OPCML: variants seen among roughly 807,000 people sequenced by gnomAD.
The protein encoded by OPCML is opioid binding protein/cell adhesion molecule like.
A neutral mutation model predicts 37.8 loss-of-function variants in OPCML; 13 were observed. The ratio of observed to expected loss-of-function variants is 0.34; its 90% CI spans 0.22 to 0.55. OPCML has a LOEUF of 0.55. Among genes scored for constraint, OPCML ranks in the 20% least tolerant of loss-of-function variants. OPCML has a pLI of 0.91. For synonymous variants in OPCML, 176 were observed against 168.8 expected, an observed-to-expected ratio of 1.04 and a Z score of -0.33; for missense variants, 341 against 435.6, an observed-to-expected ratio of 0.78 and a Z score of 1.93.
chr11:132,575,856 T>G (rs1487485887), intron 3 of OPCML, among the ~76,000 whole-genome samples: 1 of 152,114 alleles, frequency 6.6e-6, no homozygotes, highest in Admixed American at 6.5e-5. Context: ...GCTTTATTTT[T>G]GTCTGAAAAC....
chr11:132,983,121 C>A (rs1411425632), intron 1 of OPCML, among the ~76,000 whole-genome samples: 1 of 152,168 alleles, frequency 6.6e-6, no homozygotes, highest in Admixed American at 6.5e-5. Flanking sequence ...GGGAAAACAG[C>A]CCCCCTCCAG....
intron 3 of OPCML, among the ~76,000 whole-genome samples, chr11:132,598,431 C>T (rs893789592): frequency 6.6e-6 from 1 of 152,114 alleles, no homozygotes; most frequent in African/African-American, 2.4e-5. Context: ...ATATCTCAAA[C>T]TATTACAATA....
intron 1 of OPCML, among the ~76,000 whole-genome samples, chr11:133,357,866 T>A (rs2136708289): frequency 6.6e-6 from 1 of 152,166 alleles, no homozygotes; most frequent in East Asian, 1.9e-4. Flanking sequence ...AAAACAACCA[T>A]CACAATCGTA....
At chr11:132,564,195 T>A (rs543856640) in intron 3 of OPCML, among the ~76,000 whole-genome samples, 101 of 152,228 alleles carry the variant, frequency 6.6e-4, no homozygotes, top group Admixed American at 1.8e-3. Context: ...TGGCCCTTGG[T>A]TTTTAAGCAA....
intron 2 of OPCML, among the ~76,000 whole-genome samples, chr11:132,784,821 C>T (rs929361300): frequency 1.3e-5 from 2 of 152,186 alleles, no homozygotes; most frequent in African/African-American, 4.8e-5. Context: ...GCTCCTCCTT[C>T]ACTTTCTACC....
chr11:132,535,419 AG>A (rs902064602), intron 3 of OPCML, among the ~76,000 whole-genome samples: 2 of 148,296 alleles, frequency 1.3e-5, no homozygotes, highest in African/African-American at 5.2e-5. Context: ...ACCTCATCTC[AG>A]CTGAGAGGCA....
intron 3 of OPCML, among the ~76,000 whole-genome samples, chr11:132,532,765 G>A (rs570860606): frequency 1.3e-5 from 2 of 152,196 alleles, no homozygotes; most frequent in East Asian, 1.9e-4. Context: ...TGCACACTGC[G>A]GACCACAACA....
At chr11:132,573,665 T>C (rs2096443499) in intron 3 of OPCML, among the ~76,000 whole-genome samples, 1 of 152,062 alleles carries the variant, frequency 6.6e-6, no homozygotes. Context: ...GCATCTATAT[T>C]GATCAGGAAT....
At chr11:132,504,596 G>T (rs73033761) in intron 4 of OPCML, among the ~76,000 whole-genome samples, 40 of 151,950 alleles carry the variant, frequency 2.6e-4, no homozygotes, top group Non-Finnish European at 4.9e-4. Context: ...CGGCTTGCAG[G>T]CTCCAGGCTC....
At chr11:132,805,616 C>G (rs1004879429) in intron 2 of OPCML, among the ~76,000 whole-genome samples, 2 of 152,104 alleles carry the variant, frequency 1.3e-5, no homozygotes, top group African/African-American at 2.4e-5. Flanking sequence ...AGTGGAACAA[C>G]CTCTCCAGAT....
chr11:133,334,171 T>C (rs1943688812), intron 1 of OPCML, among the ~76,000 whole-genome samples: 1 of 152,142 alleles, frequency 6.6e-6, no homozygotes, highest in Non-Finnish European at 1.5e-5. Context: ...TAAAGCATTC[T>C]ACAATAAAGA....
intron 1 of OPCML, among the ~76,000 whole-genome samples, chr11:133,229,802 G>A (rs1940198940): frequency 6.6e-6 from 1 of 152,192 alleles, no homozygotes; most frequent in Non-Finnish European, 1.5e-5. Flanking sequence ...ACCGCACTTT[G>A]TTTTCACTTC....
intron 3 of OPCML, among the ~76,000 whole-genome samples, chr11:132,574,030 C>T (rs986543685): frequency 2.6e-5 from 4 of 151,756 alleles, no homozygotes; most frequent in Non-Finnish European, 5.9e-5. Flanking sequence ...TCATAGTAGT[C>T]TTTCATGTTC....
intron 1 of OPCML, among the ~76,000 whole-genome samples, chr11:133,210,508 A>C (rs1939308890): frequency 6.6e-6 from 1 of 152,080 alleles, no homozygotes; most frequent in African/African-American, 2.4e-5. Flanking sequence ...ACAAAAACTT[A>C]TATGTATCAT....
intron 2 of OPCML, among the ~76,000 whole-genome samples, chr11:132,695,326 G>A (rs908633604): frequency 6.6e-5 from 10 of 152,140 alleles, no homozygotes; most frequent in African/African-American, 2.4e-4. Flanking sequence ...TAGTCTAGGG[G>A]GAAAGGCAGT....
intron 1 of OPCML, among the ~76,000 whole-genome samples, chr11:133,129,495 C>A (rs1949571109): frequency 6.6e-6 from 1 of 152,118 alleles, no homozygotes; most frequent in African/African-American, 2.4e-5. Flanking sequence ...TCTTGTAATT[C>A]AAATGTATCC....
At chr11:132,502,784 C>T (rs143336819) in intron 4 of OPCML, among the ~76,000 whole-genome samples, 216 of 152,248 alleles carry the variant, frequency 1.4e-3, no homozygotes, top group Middle Eastern at 0.01. Flanking sequence ...GTTCACAGTG[C>T]CTGTAATAAC....
intron 1 of OPCML, among the ~76,000 whole-genome samples, chr11:133,058,507 C>G (rs1271848411): frequency 2.6e-5 from 4 of 152,190 alleles, no homozygotes; most frequent in African/African-American, 9.7e-5. Context: ...GCCACCCACT[C>G]CTCAACCAGT....
In OPCML at chr11:133,248,197, T is replaced by C. The variant is rs530117227; in HGVS notation, c.61+284067A>G. ...AACGTACAATTGTGTGAAATTATTG[T>C]AAAGATGTAAAGATTTGAGCATGCC... On this transcript the variant is annotated intron_variant, in intron 1 of 7. Transcript: ENST00000524381. Among the ~76,000 whole-genome samples the C allele has an allele frequency of 7.9e-5, 12 of 152,262 alleles. No homozygotes were observed. In the South Asian group the frequency reaches 2.1e-3, roughly 26 times the overall value.
Sources: allele counts gnomAD v4.1 joint callset (sites outside exome capture counted in the v4.1 genomes callset), GRCh38; gene constraint gnomAD v4.1.1; transcripts MANE v1.5; gene names NCBI Gene and HGNC (gene_info 2026-07-23, HGNC 2026-07-21).